ZNF615: variants seen among roughly 807,000 people sequenced by gnomAD.
ZNF615 encodes the protein zinc finger protein 615.
In ZNF615, 15 loss-of-function variants were observed where a neutral mutation model predicts 15.3. The observed-to-expected ratio is 0.98, with a 90% CI of 0.66 to 1.51. The LOEUF (loss-of-function observed/expected upper bound fraction) is 1.51, where lower values mean the gene tolerates loss of function less well. Among genes scored for constraint, ZNF615 ranks in the 40% most tolerant of loss-of-function variants. ZNF615 has a pLI of 0.00. For missense variants in ZNF615, 848 were observed against 895.9 expected, an observed-to-expected ratio of 0.95 and a Z score of 0.68; for synonymous variants, 268 against 294.6, an observed-to-expected ratio of 0.91 and a Z score of 0.92.
chr19:51,993,672 C>A lies in ZNF615; in HGVS notation c.1437G>T (p.Lys479Asn), dbSNP rs376234934. 1 of 1,613,890 alleles carries A rather than the reference C, an allele frequency of 6.2e-7. No homozygotes were observed. Among genetic ancestry groups the A allele is most frequent in the African/African-American group, 1.3e-5 (1 of 74,886 alleles). ...TTCGCTGATGTACAATGAGGTCACT[C>A]TTCATGGTGAAACCTTTTCGACATT... is the stretch of plus-strand genomic sequence containing the variant. ...CTECRKGFTM[K>N]SDLIVHQRTH... is the part of the protein sequence containing the mutation. The change falls in exon 7 of 7, where the codon AAG (lysine) becomes AAT (asparagine). Residue 479 changes from lysine to asparagine, a missense_variant. Lys to Asn is a moderately conservative substitution (Grantham distance 94). Transcript: ENST00000598071.
chr19:52,002,563 T>A (rs913658191), intron 3 of ZNF615: 5 of 495,452 alleles, frequency 1.0e-5, no homozygotes, highest in Non-Finnish European at 1.6e-5. Flanking sequence ...TATTTCCCAA[T>A]ACCAAACTAG....
chr19:51,993,765 G>A lies in ZNF615; in HGVS notation c.1344C>T (p.Phe448=), dbSNP rs769359683. The change falls in exon 7 of 7, where the codon TTC becomes TTT. Residue 448 remains phenylalanine (F), a synonymous_variant. Coordinates refer to ENST00000598071, the MANE Select transcript of ZNF615 (RefSeq NM_001199324.2). ...PYKCNECGKG[F]ALKSPLIRHQ... ...GTCTGATGAGTGGGCTCTTCAAAGC[G>A]AAGCCCTTTCCACACTCATTGCATT... The A allele has an allele frequency of 1.3e-5, 21 of 1,613,886 alleles. No individual in the cohort carries two copies. Among genetic ancestry groups the A allele is most frequent in the Middle Eastern group, 1.6e-4 (1 of 6,082 alleles).
At chr19:51,998,313 C>T (rs2086499251) in intron 6 of ZNF615, among the ~76,000 whole-genome samples, 1 of 152,082 alleles carries the variant, frequency 6.6e-6, no homozygotes, top group Admixed American at 6.6e-5. Context: ...CAAACACACT[C>T]CAGGGTCATT....
At chr19:51,997,110 G>C (rs1436770687) in intron 6 of ZNF615, among the ~76,000 whole-genome samples, 1 of 152,136 alleles carries the variant, frequency 6.6e-6, no homozygotes, top group African/African-American at 2.4e-5. Context: ...CTTGAGCCCA[G>C]AAATTTGAGA....
intron 1 of ZNF615, 98 bp downstream of exon 1, chr19:52,008,043 A>G (rs550726324): frequency 5.2e-5 from 62 of 1,181,330 alleles, no homozygotes; most frequent in Middle Eastern, 1.9e-4. Flanking sequence ...GCTGGCGCCG[A>G]CAGATACCAG....
chr19:52,003,327 G>A (rs369068726), intron 3 of ZNF615, among the ~76,000 whole-genome samples: 5 of 152,254 alleles, frequency 3.3e-5, no homozygotes, highest in South Asian at 4.1e-4. Context: ...TAACACCTCC[G>A]TGAAGAACTA....
intron 2 of ZNF615, among the ~76,000 whole-genome samples, chr19:52,005,879 T>C (rs1268341960): frequency 6.6e-6 from 1 of 152,236 alleles, no homozygotes; most frequent in African/African-American, 2.4e-5. Flanking sequence ...ATTTGCCTAA[T>C]ACGTCTGTAT....
chr19:52,006,333 TA>T (rs2086751064), intron 2 of ZNF615, among the ~76,000 whole-genome samples: 1 of 152,020 alleles, frequency 6.6e-6, no homozygotes, highest in South Asian at 2.1e-4. Flanking sequence ...AAACCAAAAA[TA>T]ATCCTCAGAG....
intron 6 of ZNF615, among the ~76,000 whole-genome samples, chr19:51,999,216 A>G (rs924403876): frequency 1.5e-4 from 23 of 152,346 alleles, no homozygotes; most frequent in African/African-American, 5.5e-4. Context: ...TCAAAGACCT[A>G]ACAGGATATA....
Position 51,994,338 on chromosome 19 carries a change from T to C in ZNF615, c.771A>G (p.Arg257=), listed in dbSNP as rs773075403. 4 of 1,614,026 alleles carry C rather than the reference T, an allele frequency of 2.5e-6. No individual in the cohort carries two copies. In the African/African-American group the frequency reaches 5.3e-5, roughly 22 times the overall value. The stretch of plus-strand genomic sequence containing the variant: ...TATGAGTTCTCTGATGGTCCATTAG[T>C]CTGGATTTTCTGGAGAAAGCTTTCC... The part of the protein sequence containing the change: ...MCGKAFSRKS[R]LMDHQRTHTE... The change falls in exon 7 of 7, where the codon AGA becomes AGG. Residue 257 remains arginine (R), a synonymous_variant. Transcript: ENST00000598071.
chr19:52,005,718 C>T (rs145529671), intron 2 of ZNF615, among the ~76,000 whole-genome samples: 3 of 152,272 alleles, frequency 2.0e-5, no homozygotes, highest in African/African-American at 7.2e-5. Flanking sequence ...TATAAGAACA[C>T]AGCTACATGC....
intron 3 of ZNF615, among the ~76,000 whole-genome samples, chr19:52,003,127 A>T (rs1214871143): frequency 2.1e-5 from 3 of 141,744 alleles, no homozygotes; most frequent in Non-Finnish European, 4.5e-5. Flanking sequence ...GCGCCTGGCC[A>T]TGATTAAGCA....
chr19:51,994,624 C>T lies in ZNF615; in HGVS notation c.485G>A (p.Gly162Asp), dbSNP rs774722833. The change falls in exon 7 of 7, where the codon GGC becomes GAC. Residue 162 changes from glycine to aspartate, a missense_variant. Transcript: ENST00000598071. ...LSFENQKRSS[G>D]LKNSAEFNRD... ...ATTAAACTCAGCAGAGTTCTTTAGG[C>T]CAGAGCTCCTTTTCTGGTTTTCAAA... 4 of 1,613,222 alleles carry T rather than the reference C, an allele frequency of 2.5e-6. No homozygotes were observed. Among genetic ancestry groups the T allele is most frequent in the Non-Finnish European group, 3.4e-6 (4 of 1,179,910 alleles).
chr19:52,001,891 G>T lies in ZNF615; in HGVS notation c.160C>A (p.Pro54Thr). The T allele has an allele frequency of 6.2e-7, 1 of 1,614,144 alleles. No individual in the cohort carries two copies. The change falls in exon 5 of 7, where the codon CCA becomes ACA. Residue 54 changes from proline to threonine, a missense_variant. Pro to Thr is a conservative substitution (Grantham distance 38, BLOSUM62 -1). Transcript: ENST00000598071. Reference protein sequence around the residue: ...LVAVGYQASKPDALSKLERGE... With the variant: ...LVAVGYQASKTDALSKLERGE... ...CGTTCCAATTTGGAGAGTGCATCTG[G>T]TTTGCTGGCTTGATACCCTGTTCAT...
intron 6 of ZNF615, among the ~76,000 whole-genome samples, chr19:51,995,251 C>T (rs1219580319): frequency 6.6e-6 from 1 of 152,052 alleles, no homozygotes; most frequent in Non-Finnish European, 1.5e-5. Flanking sequence ...AAATAAAACA[C>T]AATAATATAA....
At position 52,008,130 on chromosome 19, in the gene ZNF615, A is replaced by G. The variant is rs1310244246; in HGVS notation, c.-228+11T>C. 2 of 1,535,444 alleles carry G rather than the reference A, an allele frequency of 1.3e-6. No homozygotes were observed. The highest frequency in any genetic ancestry group is 1.2e-5 in the South Asian group (1 of 84,042). Reference sequence around the variant, plus strand: ...CCGTCACCACAGCGACCACCCAGTGACTGAACTTACTTCCCAGAACTTGGT... The same window carrying G: ...CCGTCACCACAGCGACCACCCAGTGGCTGAACTTACTTCCCAGAACTTGGT... On this transcript the variant is annotated intron_variant, in intron 1 of 6. Transcript: ENST00000598071.
At position 51,996,385 on chromosome 19, in the gene ZNF615, C is replaced by CAAAAAAAAAAAA. The variant is rs1172310589; in HGVS notation, c.272-1560_272-1549dup. Among the ~76,000 whole-genome samples the CAAAAAAAAAAAA allele has an allele frequency of 4.2e-4, 14 of 33,312 alleles. 1 individual carries two copies. The highest frequency in any genetic ancestry group is 1.9e-3 in the South Asian group (1 of 514). 21.9% of individuals were successfully genotyped at this position (33,312 alleles called of 152,430 possible). Reference sequence around the variant, plus strand: ...GGGGTGACACAGCAAGACTCTGTCTCAAAAAAAAAAAAAAAAAAAAAAACG... The same window carrying CAAAAAAAAAAAA: ...GGGGTGACACAGCAAGACTCTGTCTCAAAAAAAAAAAAAAAAAAAAAAAAAAAAAAAAAAACG... On this transcript the variant is annotated intron_variant, in intron 6 of 6. Coordinates refer to ENST00000598071, the MANE Select transcript of ZNF615 (RefSeq NM_001199324.2).
Position 51,993,092 on chromosome 19 carries a change from AAG to A in ZNF615, c.2015_2016del (p.Ser672PhefsTer5). ...TGTGTAATAAGATCATTTTTGCGCA[AAG>A]AGAATTTTCCACATTCAGTACATGC... Reference protein sequence around the residue: ...SFACTECGKFSLRKNDLITHQ... With the variant: ...SFACTECGKFXLRKNDLITHQ... On this transcript the variant is annotated frameshift_variant, in exon 7 of 7. Transcript: ENST00000598071. LOFTEE classifies it low-confidence loss of function (END_TRUNC). The A allele has an allele frequency of 6.2e-7, 1 of 1,614,096 alleles. No homozygotes were observed. Among genetic ancestry groups the A allele is most frequent in the Non-Finnish European group, 8.5e-7 (1 of 1,179,996 alleles).
intron 1 of ZNF615, 192 bp downstream of exon 1, chr19:52,007,949 T>C: frequency 3.3e-6 from 2 of 598,344 alleles, no homozygotes; most frequent in Non-Finnish European, 3.0e-6. Flanking sequence ...ACACACACCC[T>C]ATCACGGACC....
Sources: gnomAD v4.1 joint callset for allele counts (sites outside exome capture counted in the v4.1 genomes callset) on GRCh38, gnomAD v4.1.1 for gene constraint, MANE v1.5 for transcripts, NCBI Gene and HGNC (gene_info 2026-07-23, HGNC 2026-07-21) for gene names.